Variants in DYM observed in about 807,000 individuals in gnomAD.
DYM encodes the protein dymeclin, also known as dyggve-Melchior-Clausen syndrome protein.
DYM carries 78 observed loss-of-function variants against 93.1 expected under a neutral mutation model. The ratio of observed to expected loss-of-function variants is 0.84; its 90% CI spans 0.70 to 1.01. DYM has a LOEUF of 1.01. DYM is among the 50% of genes least tolerant of loss of function. The probability of loss-of-function intolerance (pLI) is 0.00; values close to 1 mark genes in which losing one functional copy is unlikely to be tolerated. For synonymous variants in DYM, 321 were observed against 319.7 expected (o/e 1.00, Z -0.04); for missense variants, 789 against 845.0 (o/e 0.93, Z 0.82).
chr18:49,199,459 A>G (rs2091823024), intron 14 of DYM, among the ~76,000 whole-genome samples: 1 of 152,220 alleles, frequency 6.6e-6, no homozygotes, highest in African/African-American at 2.4e-5. Context: ...CTTATACTGC[A>G]CTGACTAACG....
chr18:49,165,090 A>G (rs898444926), intron 14 of DYM, among the ~76,000 whole-genome samples: 2 of 152,206 alleles, frequency 1.3e-5, no homozygotes, highest in African/African-American at 4.8e-5. Context: ...AAGACATACT[A>G]TAAAAACATT....
At chr18:49,250,120 T>C (rs1440844940) in intron 13 of DYM, among the ~76,000 whole-genome samples, 5 of 152,218 alleles carry the variant, frequency 3.3e-5, no homozygotes, top group Non-Finnish European at 7.3e-5. Context: ...AGTCTCAGAA[T>C]AGTGGGTGCC....
chr18:49,245,482 T>C (rs1442928371), intron 13 of DYM, among the ~76,000 whole-genome samples: 4 of 152,148 alleles, frequency 2.6e-5, no homozygotes, highest in Non-Finnish European at 4.4e-5. Context: ...ATGGCCACTC[T>C]GGGAATGTCT....
intron 11 of DYM, among the ~76,000 whole-genome samples, chr18:49,262,823 C>T: frequency 7.2e-6 from 1 of 138,550 alleles, no homozygotes; most frequent in Non-Finnish European, 1.6e-5. Context: ...CTCTAGAGTA[C>T]TATATTAGCA....
chr18:49,427,498 A>C (rs1407836690), intron 2 of DYM, among the ~76,000 whole-genome samples: 2 of 152,196 alleles, frequency 1.3e-5, no homozygotes, highest in Non-Finnish European at 2.9e-5. Flanking sequence ...AATTTAATTA[A>C]AATTTAAATA....
intron 14 of DYM, among the ~76,000 whole-genome samples, chr18:49,196,751 A>G (rs6507888): frequency 0.043 from 6,556 of 152,216 alleles, 458 homozygotes; most frequent in African/African-American, 0.15. Flanking sequence ...AAGGGCAAAG[A>G]AAAGTCACTA....
At chr18:49,232,451 C>T (rs2093725596) in intron 13 of DYM, among the ~76,000 whole-genome samples, 1 of 149,856 alleles carries the variant, frequency 6.7e-6, no homozygotes, top group African/African-American at 2.5e-5. Flanking sequence ...CTACAGGCAC[C>T]CACCACCACA....
At chr18:49,292,726 T>C (rs368304270) in intron 8 of DYM, among the ~76,000 whole-genome samples, 3 of 151,980 alleles carry the variant, frequency 2.0e-5, no homozygotes, top group African/African-American at 7.2e-5. Context: ...GTTTCTTAAT[T>C]GTATCCCTTG....
At chr18:49,459,894 T>A (rs2083336290) in intron 1 of DYM, among the ~76,000 whole-genome samples, 1 of 144,382 alleles carries the variant, frequency 6.9e-6, no homozygotes, top group Non-Finnish European at 1.5e-5. Flanking sequence ...GAGTGACTGC[T>A]AATGGGTACG....
intron 17 of DYM, among the ~76,000 whole-genome samples, chr18:49,057,946 A>C (rs1471428391): frequency 6.6e-6 from 1 of 152,214 alleles, no homozygotes; most frequent in Admixed American, 6.5e-5. Flanking sequence ...ACTGGAGCTG[A>C]AGACTGACTG....
intron 14 of DYM, among the ~76,000 whole-genome samples, chr18:49,190,978 G>A (rs201155772): frequency 6.6e-6 from 1 of 151,756 alleles, no homozygotes; most frequent in African/African-American, 2.4e-5. Flanking sequence ...TTTAGGTAAG[G>A]CTTCTGGTCA....
intron 6 of DYM, among the ~76,000 whole-genome samples, chr18:49,348,356 T>C (rs1159179527): frequency 6.6e-6 from 1 of 152,106 alleles, no homozygotes; most frequent in Non-Finnish European, 1.5e-5. Context: ...ACAGATATTA[T>C]CAACAAAAGT....
At chr18:49,242,873 T>A in intron 13 of DYM, among the ~76,000 whole-genome samples, 1 of 152,094 alleles carries the variant, frequency 6.6e-6, no homozygotes, top group East Asian at 1.9e-4. Flanking sequence ...CTAATTTTTT[T>A]GTATTTTTAG....
intron 5 of DYM, among the ~76,000 whole-genome samples, chr18:49,370,275 T>A (rs571936162): frequency 8.1e-6 from 1 of 123,688 alleles, no homozygotes; most frequent in African/African-American, 3.3e-5. Context: ...CGAAACTCCA[T>A]CTCAGAAAAA....
intron 17 of DYM, among the ~76,000 whole-genome samples, chr18:49,054,590 A>T (rs988636918): frequency 9.2e-5 from 14 of 152,256 alleles, no homozygotes; most frequent in African/African-American, 2.4e-4. Context: ...ACTTATTAGA[A>T]GTTACAAGTT....
At chr18:49,376,520 T>G (rs751487889) in intron 5 of DYM, among the ~76,000 whole-genome samples, 2 of 152,228 alleles carry the variant, frequency 1.3e-5, no homozygotes, top group Non-Finnish European at 2.9e-5. Context: ...AAATTCCATT[T>G]AGTCTACAAA....
intron 14 of DYM, 120 bp downstream of exon 14, chr18:49,209,431 C>A: frequency 4.5e-6 from 3 of 662,530 alleles, no homozygotes; most frequent in Non-Finnish European, 6.0e-6. Flanking sequence ...TTATTTAGTA[C>A]CATTTCAAAT....
chr18:49,124,791 A>G (rs1028185494), intron 15 of DYM, among the ~76,000 whole-genome samples: 5 of 152,224 alleles, frequency 3.3e-5, no homozygotes, highest in Admixed American at 3.3e-4. Context: ...GGTTACAGCA[A>G]ACACATTTTA....
intron 8 of DYM, among the ~76,000 whole-genome samples, chr18:49,305,567 CT>C (rs2061226348): frequency 6.6e-6 from 1 of 152,136 alleles, no homozygotes; most frequent in Non-Finnish European, 1.5e-5. Context: ...TACATTCTGC[CT>C]TCAGATGAAA....
Sources: allele counts gnomAD v4.1 joint callset (sites outside exome capture counted in the v4.1 genomes callset), GRCh38; gene constraint gnomAD v4.1.1; transcripts MANE v1.5; gene names NCBI Gene and HGNC (gene_info 2026-07-23, HGNC 2026-07-21).